The following KCNN3 variants were observed in gnomAD, a reference collection of about 807,000 sequenced individuals.
KCNN3 encodes the protein potassium calcium-activated channel subfamily N member 3, also known as small conductance calcium-activated potassium channel protein 3.
A neutral mutation model predicts 62.9 loss-of-function variants in KCNN3; 16 were observed. The observed-to-expected ratio is 0.25, with a 90% CI of 0.17 to 0.39. The LOEUF (loss-of-function observed/expected upper bound fraction) is 0.39. Among genes scored for constraint, KCNN3 ranks in the 10% least tolerant of loss-of-function variants. The pLI, the probability that KCNN3 is intolerant of heterozygous loss-of-function variation, is 1.00. For synonymous variants in KCNN3, 370 were observed against 389.2 expected (o/e 0.95, Z 0.58); for missense variants, 599 against 949.4 (o/e 0.63, Z 4.85).
At chr1:154,758,834 G>A (rs906068488) in intron 3 of KCNN3, among the ~76,000 whole-genome samples, 1 of 114,372 alleles carries the variant, frequency 8.7e-6, no homozygotes. Flanking sequence ...TTGAGATGGA[G>A]TCTTGCTCTG....
intron 2 of KCNN3, among the ~76,000 whole-genome samples, chr1:154,810,345 G>A (rs1283560312): frequency 1.3e-5 from 2 of 152,186 alleles, no homozygotes; most frequent in African/African-American, 2.4e-5. Context: ...CAGGGACACT[G>A]TGACTCCAGG....
At chr1:154,846,437 G>C (rs1414028988) in intron 1 of KCNN3, among the ~76,000 whole-genome samples, 1 of 152,220 alleles carries the variant, frequency 6.6e-6, no homozygotes, top group Non-Finnish European at 1.5e-5. Context: ...AGCATACTGA[G>C]GGGGAGCCAG....
intron 3 of KCNN3, among the ~76,000 whole-genome samples, chr1:154,746,887 A>G (rs1469294829): frequency 6.6e-6 from 1 of 152,204 alleles, no homozygotes; most frequent in Non-Finnish European, 1.5e-5. Context: ...CCTGTGCTGT[A>G]AAGTGGGGAG....
rs1700002987 is a variant in KCNN3, at chr1:154,708,220, T to G, written c.1952A>C (p.Asp651Ala). ...LITELNDRSE[D>A]LEKQIGSLES... ...CAGGCTGCCAATCTGCTTCTCCAGG[T>G]CTTCGCTCCGGTCATTGAGTTCTGT... Residue 651 changes from aspartate to alanine, a missense_variant, in exon 8 of 8, where the codon GAC (aspartate) becomes GCC (alanine). Around this residue, in one of 7 missense-constraint regions of KCNN3, gnomAD observed 288 missense variants for 557.4 expected, o/e 0.52. Coordinates refer to ENST00000271915, the MANE Select transcript of KCNN3 (RefSeq NM_002249.6). The G allele has an allele frequency of 6.2e-7, 1 of 1,613,888 alleles. No homozygotes were observed. The highest frequency in any genetic ancestry group is 8.5e-7 in the Non-Finnish European group (1 of 1,179,986).
At chr1:154,805,682 C>T (rs1650144988) in intron 2 of KCNN3, among the ~76,000 whole-genome samples, 2 of 152,134 alleles carry the variant, frequency 1.3e-5, no homozygotes, top group Non-Finnish European at 1.5e-5. Flanking sequence ...TAGTAGACTT[C>T]AGATTGTGCA....
chr1:154,868,588 C>G (rs566928633), intron 1 of KCNN3, among the ~76,000 whole-genome samples: 3 of 149,410 alleles, frequency 2.0e-5, no homozygotes, highest in African/African-American at 7.4e-5. Flanking sequence ...GGGGAAGTCG[C>G]AGGAACTGGC....
rs557423107 is a variant in KCNN3 at position 154,703,543 on chromosome 1, A to G, written c.*4433T>C. On this transcript the variant is annotated 3_prime_UTR_variant, in exon 8 of 8. Coordinates refer to ENST00000271915, the MANE Select transcript of KCNN3 (RefSeq NM_002249.6). ...AGGATTTAAAAACAGTAACTTCAAA[A>G]GAGTAGTAACCTACTGGTAGTGCAA... 1 of 152,354 alleles carries G rather than the reference A, an allele frequency of 6.6e-6. No individual in the cohort carries two copies. Among genetic ancestry groups the G allele is most frequent in the African/African-American group, 2.4e-5 (1 of 41,574 alleles). 9.4% of individuals were successfully genotyped at this position (152,354 alleles called of 1,614,324 possible). A position where few individuals can be genotyped will look rare whatever the true frequency, so the allele number is the denominator to read the frequency against.
At chr1:154,860,950 A>G (rs1165514850) in intron 1 of KCNN3, among the ~76,000 whole-genome samples, 1 of 100,612 alleles carries the variant, frequency 9.9e-6, no homozygotes, top group Admixed American at 1.1e-4. Context: ...GTGCCACCCA[A>G]GTTTTTTTTT....
chr1:154,722,385 ATTTTTT>A (rs11347024), intron 5 of KCNN3, among the ~76,000 whole-genome samples: 1 of 102,042 alleles, frequency 9.8e-6, no homozygotes, highest in African/African-American at 3.7e-5. Flanking sequence ...TGAGCTTAGC[ATTTTTT>A]TTTTTTTTTT....
intron 2 of KCNN3, among the ~76,000 whole-genome samples, chr1:154,815,431 G>A (rs1031879830): frequency 2.0e-5 from 3 of 152,098 alleles, no homozygotes; most frequent in Non-Finnish European, 4.4e-5. Flanking sequence ...CGTGAAACCT[G>A]CCCAGCCTCT....
chr1:154,829,578 T>C (rs909108642), intron 1 of KCNN3, among the ~76,000 whole-genome samples: 2 of 152,026 alleles, frequency 1.3e-5, no homozygotes, highest in Non-Finnish European at 2.9e-5. Flanking sequence ...GACAAGACCA[T>C]CCACACTCTC....
intron 1 of KCNN3, among the ~76,000 whole-genome samples, chr1:154,839,245 G>T (rs1217713167): frequency 6.6e-6 from 1 of 152,082 alleles, no homozygotes; most frequent in East Asian, 1.9e-4. Flanking sequence ...AGGAAGCAGG[G>T]CGCAGTTGTG....
chr1:154,720,312 T>A (rs2101773702), intron 5 of KCNN3, among the ~76,000 whole-genome samples: 1 of 152,334 alleles, frequency 6.6e-6, no homozygotes, highest in Non-Finnish European at 1.5e-5. Context: ...CTGCACCCAA[T>A]CTGTCTGGGA....
intron 4 of KCNN3, among the ~76,000 whole-genome samples, chr1:154,729,359 T>C (rs1700542503): frequency 6.6e-6 from 1 of 152,128 alleles, no homozygotes; most frequent in African/African-American, 2.4e-5. Context: ...GGTCCACTTC[T>C]GATGAGCTGG....
intron 5 of KCNN3, among the ~76,000 whole-genome samples, chr1:154,718,891 T>C (rs1700286642): frequency 5.3e-5 from 8 of 152,146 alleles, no homozygotes; most frequent in Non-Finnish European, 1.5e-5. Flanking sequence ...GTTAATATTC[T>C]CTCCTTCCAA....
intron 4 of KCNN3, among the ~76,000 whole-genome samples, chr1:154,727,730 G>A (rs1028380865): frequency 6.6e-6 from 1 of 152,184 alleles, no homozygotes; most frequent in Non-Finnish European, 1.5e-5. Context: ...AAAGGATCTG[G>A]GCAGTTGCAC....
intron 4 of KCNN3, among the ~76,000 whole-genome samples, chr1:154,729,143 G>C (rs548142354): frequency 6.6e-6 from 1 of 152,326 alleles, no homozygotes; most frequent in Admixed American, 6.5e-5. Context: ...GGTGGGTAGA[G>C]GGGGTGTGTG....
At chr1:154,740,019 T>C (rs1287362115) in intron 3 of KCNN3, among the ~76,000 whole-genome samples, 2 of 152,366 alleles carry the variant, frequency 1.3e-5, no homozygotes, top group African/African-American at 2.4e-5. Context: ...CTGCTGTTTT[T>C]AGCTGCTAAA....
intron 2 of KCNN3, among the ~76,000 whole-genome samples, chr1:154,775,110 A>G (rs1557969746): frequency 6.6e-6 from 1 of 152,134 alleles, no homozygotes; most frequent in Non-Finnish European, 1.5e-5. Flanking sequence ...TGTCCACCCA[A>G]CTGTCTCCTT....
Sources: allele counts gnomAD v4.1 joint callset (sites outside exome capture counted in the v4.1 genomes callset), GRCh38; gene constraint gnomAD v4.1.1; regional missense constraint gnomAD v4.1.1; transcripts MANE v1.5; gene names NCBI Gene and HGNC (gene_info 2026-07-23, HGNC 2026-07-21).